The following NPHP3 variants were observed in gnomAD, a reference collection of about 807,000 sequenced individuals.
NPHP3 encodes nephrocystin 3.
NPHP3 carries 123 observed loss-of-function variants against 171.9 expected under a neutral mutation model. The observed-to-expected ratio is 0.72, with a 90% confidence interval of 0.62 to 0.83. The LOEUF (loss-of-function observed/expected upper bound fraction) is 0.83, where lower values mean the gene tolerates loss of function less well. Among genes scored for constraint, NPHP3 ranks in the 40% least tolerant of loss-of-function variants. The probability of loss-of-function intolerance (pLI) is 0.00; values close to 1 mark genes in which losing one functional copy is unlikely to be tolerated. For synonymous variants in NPHP3, 558 were observed against 579.2 expected, an observed-to-expected ratio of 0.96 and a Z score of 0.52; for missense variants, 1,506 against 1,591.9, an observed-to-expected ratio of 0.95 and a Z score of 0.92.
At chr3:132,687,775 A>G (rs1465506148) in intron 21 of NPHP3, among the ~76,000 whole-genome samples, 1 of 152,196 alleles carries the variant, frequency 6.6e-6, no homozygotes, top group African/African-American at 2.4e-5. Context: ...TAATAGAGGA[A>G]GAGATGCCAT....
intron 9 of NPHP3, among the ~76,000 whole-genome samples, chr3:132,701,780 T>G (rs564796435): frequency 6.6e-6 from 1 of 152,154 alleles, no homozygotes; most frequent in Non-Finnish European, 1.5e-5. Context: ...CCCAGCACTT[T>G]GGGAGGCTGA....
Position 132,704,359 on chromosome 3 carries a change from A to T in NPHP3, c.1363T>A (p.Phe455Ile). The T allele has an allele frequency of 6.2e-7, 1 of 1,614,136 alleles. No individual in the cohort carries two copies. Among genetic ancestry groups the T allele is most frequent in the South Asian group, 1.1e-5 (1 of 91,082 alleles). Residue 455 changes from phenylalanine (F) to isoleucine (I), a missense_variant, in exon 9 of 27, where the codon TTT becomes ATT. By Grantham distance (21) the Phe-to-Ile change is conservative. Around this residue, in one of 3 missense-constraint regions of NPHP3, gnomAD observed 930 missense variants for 924.9 expected, o/e 1.01. Transcript: ENST00000337331. ...TTAGTCTCCAAGTCTGTGTTCTCAA[A>T]ACCCAGTATGTCCTAAACACAAAGA... ...EKIIKQDILG[F>I]ENTDLETKDL...
At chr3:132,710,434 T>A (rs2107993195) in intron 6 of NPHP3, among the ~76,000 whole-genome samples, 1 of 151,168 alleles carries the variant, frequency 6.6e-6, no homozygotes, top group African/African-American at 2.4e-5. Flanking sequence ...CACGGAAGCC[T>A]CCCCATCCCT....
Position 132,682,834 on chromosome 3 carries a change from G to A in NPHP3, c.3697-16C>T. On this transcript the variant is annotated splice_polypyrimidine_tract_variant and intron_variant, in intron 25 of 26. Transcript: ENST00000337331. ...CGTGTTTTTTCTTATTAAAAAAAATGATAATGCTCATGCACACTGGGTTTC... is the reference window on the plus strand; with the variant it reads ...CGTGTTTTTTCTTATTAAAAAAAATAATAATGCTCATGCACACTGGGTTTC... 1.4e-6 allele frequency: 2 copies of A among 1,473,198 alleles called. No homozygotes were observed. Among genetic ancestry groups the A allele is most frequent in the East Asian group, 4.5e-5 (2 of 44,028 alleles). 91.3% of individuals were successfully genotyped at this position (1,473,198 alleles called of 1,614,324 possible). A position where few individuals can be genotyped will look rare whatever the true frequency, so the allele number is the denominator to read the frequency against.
intron 9 of NPHP3, among the ~76,000 whole-genome samples, chr3:132,702,956 G>A (rs1029971915): frequency 1.3e-5 from 2 of 152,132 alleles, no homozygotes; most frequent in Admixed American, 6.6e-5. Flanking sequence ...AGAAAAGAAC[G>A]AGGTTCAACT....
At chr3:132,682,869 T>C (rs769750285) in intron 25 of NPHP3, 51 bp from the exon 26 acceptor site, 34 of 1,166,188 alleles carry the variant, frequency 2.9e-5, no homozygotes, top group African/African-American at 1.5e-5. Flanking sequence ...CTGAAATTAA[T>C]GTATTCTAGA....
chr3:132,690,700 C>CT, intron 18 of NPHP3, 50 bp from the exon 19 acceptor site: 1 of 1,594,464 alleles, frequency 6.3e-7, no homozygotes. Context: ...AATGAGACTG[C>CT]TTCAAAAAGG....
At chr3:132,698,403 G>C (rs557116783) in intron 13 of NPHP3, among the ~76,000 whole-genome samples, 15 of 151,636 alleles carry the variant, frequency 9.9e-5, no homozygotes, top group Admixed American at 9.9e-4. Flanking sequence ...TTAGCCTCCC[G>C]AGTAGATGGG....
intron 6 of NPHP3, among the ~76,000 whole-genome samples, chr3:132,711,295 A>C (rs1284502271): frequency 6.6e-6 from 1 of 152,242 alleles, no homozygotes; most frequent in Non-Finnish European, 1.5e-5. Context: ...AACTGGAATA[A>C]GAAAAGTTTA....
At position 132,719,844 on chromosome 3, in the gene NPHP3, C is replaced by A. The variant is rs932020810; in HGVS notation, c.394-14G>T. 1 of 1,556,318 alleles carries A rather than the reference C, an allele frequency of 6.4e-7. No homozygotes were observed. The highest frequency in any genetic ancestry group is 8.7e-7 in the Non-Finnish European group (1 of 1,144,932). ...TTTTTGAAGTGCCTAGAATAATTTA[C>A]CTTGTTATTTCCTAACAAAAATAGT... On this transcript the variant is annotated splice_polypyrimidine_tract_variant and intron_variant, in intron 1 of 26. Coordinates refer to ENST00000337331, the MANE Select transcript of NPHP3 (RefSeq NM_153240.5).
At chr3:132,697,500 AATCATAT>A (rs1198562084) in intron 13 of NPHP3, 138 bp from the exon 14 acceptor site, 4 of 625,582 alleles carry the variant, frequency 6.4e-6, no homozygotes, top group African/African-American at 6.1e-5. Flanking sequence ...AATGTCTATT[AATCATAT>A]TAAGTAATTA....
intron 4 of NPHP3, 83 bp downstream of exon 4, chr3:132,716,674 G>A (rs879116573): frequency 7.0e-7 from 1 of 1,435,216 alleles, no homozygotes; most frequent in South Asian, 1.2e-5. Flanking sequence ...CTTTGCTAAT[G>A]GTATTAATAG....
chr3:132,715,710 A>G (rs1447590123), intron 4 of NPHP3, among the ~76,000 whole-genome samples: 1 of 152,230 alleles, frequency 6.6e-6, no homozygotes, highest in African/African-American at 2.4e-5. Flanking sequence ...TTTTGCTGAT[A>G]GAGAAATAAT....
intron 6 of NPHP3, among the ~76,000 whole-genome samples, chr3:132,711,640 T>C (rs1417715711): frequency 6.6e-6 from 1 of 152,106 alleles, no homozygotes; most frequent in Admixed American, 6.5e-5. Context: ...AAAAACAAAA[T>C]GGTTTTATGG....
At chr3:132,689,285 C>A (rs761500778) in intron 19 of NPHP3, 22 bp from the exon 20 acceptor site, 1 of 1,611,834 alleles carries the variant, frequency 6.2e-7, no homozygotes, top group Admixed American at 1.7e-5. Flanking sequence ...AATAACAGTA[C>A]TTTAATGAAA....
At chr3:132,713,775 C>T (rs1939975783) in intron 5 of NPHP3, among the ~76,000 whole-genome samples, 1 of 152,134 alleles carries the variant, frequency 6.6e-6, no homozygotes, top group African/African-American at 2.4e-5. Context: ...TGAAAGAAAT[C>T]AGTAATGCCC....
rs139351534 is a variant in NPHP3, at chr3:132,686,319, A to C, written c.3270T>G (p.Pro1090=). The change falls in exon 23 of 27, where the codon CCT becomes CCG. Residue 1090 remains proline (P), a synonymous_variant. Coordinates refer to ENST00000337331, the MANE Select transcript of NPHP3 (RefSeq NM_153240.5). ...LEELTLGKDT[P]DNARTLNELG... is the part of the protein sequence containing the mutation. ...GTTCATTGAGGGTCCGAGCATTATC[A>C]GGTGTGTCCTTACCTAATGTAAGCT... The C allele has an allele frequency of 8.7e-6, 14 of 1,613,820 alleles. No individual in the cohort carries two copies. The African/African-American group carries it at 1.6e-4, about 18-fold the overall frequency.
intron 3 of NPHP3, chr3:132,718,190 A>T: frequency 2.5e-6 from 1 of 395,984 alleles, no homozygotes; most frequent in East Asian, 9.4e-5. Context: ...GTGAGAATAT[A>T]CTTACAGTTC....
intron 6 of NPHP3, among the ~76,000 whole-genome samples, chr3:132,711,010 G>T (rs115436855): frequency 0.024 from 3,683 of 152,330 alleles, 159 homozygotes; most frequent in African/African-American, 0.083. Flanking sequence ...AATAGTGTGA[G>T]AAGCCAGTGA....
Sources: allele counts gnomAD v4.1 joint callset (sites outside exome capture counted in the v4.1 genomes callset), GRCh38; gene constraint gnomAD v4.1.1; regional missense constraint gnomAD v4.1.1; transcripts MANE v1.5; gene names NCBI Gene and HGNC (gene_info 2026-07-23, HGNC 2026-07-21).